The following RHEX variants were observed in gnomAD, a reference collection of about 807,000 sequenced individuals.
The protein encoded by RHEX is regulator of hemoglobinization and erythroid cell expansion protein.
In RHEX, 18 loss-of-function variants were observed where a neutral mutation model predicts 20.1. The ratio of observed to expected loss-of-function variants is 0.90; its 90% CI spans 0.62 to 1.33. The LOEUF (loss-of-function observed/expected upper bound fraction) is 1.33. Among genes scored for constraint, RHEX ranks in the 40% most tolerant of loss-of-function variants. The pLI is 0.00. For synonymous variants in RHEX, 87 were observed against 77.1 expected (o/e 1.13, Z -0.67); for missense variants, 192 against 214.3 (o/e 0.90, Z 0.65).
intron 1 of RHEX, among the ~76,000 whole-genome samples, chr1:206,076,107 C>T (rs529545720): frequency 6.6e-6 from 1 of 152,068 alleles, no homozygotes; most frequent in Admixed American, 6.5e-5. Flanking sequence ...AAGTGAATTT[C>T]CTTCCAGTCC....
chr1:206,096,907 T>G (rs1553287771), intron 1 of RHEX, among the ~76,000 whole-genome samples: 1 of 152,014 alleles, frequency 6.6e-6, no homozygotes, highest in African/African-American at 2.4e-5. Context: ...CCTAAGTAGC[T>G]GGGACCACAG....
In RHEX at chr1:206,065,649, T is replaced by G. The variant is rs937165301; in HGVS notation, c.-97+12384T>G. On this transcript the variant is annotated intron_variant, in intron 1 of 5. Coordinates refer to ENST00000331555, the MANE Select transcript of RHEX (RefSeq NM_001007544.4). The stretch of plus-strand genomic sequence containing the variant: ...GTCTAATGGGCATGATAGTTAGAGG[T>G]GGTGAGAGGATAGGGACAGGAAAGT... 2.6e-5 allele frequency among the ~76,000 whole-genome samples: 4 copies of G among 152,240 alleles called. No individual in the cohort carries two copies. In the South Asian group the frequency reaches 8.3e-4, roughly 32 times the overall value.
In RHEX at chr1:206,102,070, C is replaced by T; in HGVS notation, c.*118C>T. 1.2e-6 allele frequency: 1 copy of T among 825,342 alleles called. No individual in the cohort carries two copies. 51.1% of individuals were successfully genotyped at this position (825,342 alleles called of 1,614,324 possible). On this transcript the variant is annotated 3_prime_UTR_variant, in exon 6 of 6. Coordinates refer to ENST00000331555, the MANE Select transcript of RHEX (RefSeq NM_001007544.4). ...GGGCTCACAAGTCTATGGAGACAGGCCAAAAAGAATGTGGAGAAGAAAACT... is the reference window on the plus strand; with the variant it reads ...GGGCTCACAAGTCTATGGAGACAGGTCAAAAAGAATGTGGAGAAGAAAACT...
At chr1:206,072,525 G>A (rs929622847) in intron 1 of RHEX, among the ~76,000 whole-genome samples, 3 of 151,996 alleles carry the variant, frequency 2.0e-5, no homozygotes, top group Admixed American at 6.5e-5. Flanking sequence ...GCAGTGAGCC[G>A]AGATCGTGCC....
At chr1:206,065,649 T>C (rs937165301) in intron 1 of RHEX, among the ~76,000 whole-genome samples, 1 of 152,124 alleles carries the variant, frequency 6.6e-6, no homozygotes, top group African/African-American at 2.4e-5. Flanking sequence ...TAGTTAGAGG[T>C]GGTGAGAGGA....
chr1:206,096,588 G>T (rs571342857), intron 1 of RHEX, among the ~76,000 whole-genome samples: 4 of 152,208 alleles, frequency 2.6e-5, no homozygotes, highest in African/African-American at 9.6e-5. Flanking sequence ...TCTTAGGGGG[G>T]CTTATCCAAA....
intron 1 of RHEX, among the ~76,000 whole-genome samples, chr1:206,064,245 C>G (rs1380005913): frequency 4.7e-5 from 7 of 148,438 alleles, no homozygotes; most frequent in Admixed American, 2.6e-4. Flanking sequence ...GCAGCCACCC[C>G]GTCCGGGAGG....
chr1:206,074,084 C>T (rs1416359447), intron 1 of RHEX, among the ~76,000 whole-genome samples: 1 of 152,190 alleles, frequency 6.6e-6, no homozygotes, highest in African/African-American at 2.4e-5. Context: ...GGCACTTTCT[C>T]TCTCATGGGA....
In RHEX at chr1:206,055,017, A is replaced by G. The variant is rs1662159283; in HGVS notation, c.-97+1752A>G. On this transcript the variant is annotated intron_variant, in intron 1 of 5. Coordinates refer to ENST00000331555, the MANE Select transcript of RHEX (RefSeq NM_001007544.4). ...TCCATCTGCACTTTAAACAAATGCA[A>G]TTGTTATGCTTGTGCACATGGCAGG... Among the ~76,000 whole-genome samples the G allele has an allele frequency of 2.0e-5, 3 of 152,410 alleles. No homozygotes were observed. The South Asian group carries it at 6.2e-4, about 32-fold the overall frequency.
chr1:206,068,332 A>G, intron 1 of RHEX, among the ~76,000 whole-genome samples: 1 of 152,270 alleles, frequency 6.6e-6, no homozygotes, highest in South Asian at 2.1e-4. Context: ...GGCAAGGGAG[A>G]TAAGAGGAAA....
chr1:206,101,757 A>G lies in RHEX; in HGVS notation c.324A>G (p.Thr108=), dbSNP rs28391411. Residue 108 remains threonine, a synonymous_variant, in exon 6 of 6, where the codon ACA becomes ACG. Transcript: ENST00000331555. ...SCSSPPACQA[T]EDVDYTQVVF... ...GTCTCTGCTTTTCTCCTAAGGCCAC[A>G]GAGGATGTGGATTACACACAAGTCG... 178,970 of 1,610,856 alleles carry G rather than the reference A, an allele frequency of 0.11. 14,379 individuals carry two copies. Among genetic ancestry groups the G allele is most frequent in the African/African-American group, 0.41 (30,758 of 74,862 alleles).
chr1:206,068,190 G>A (rs782793440), intron 1 of RHEX, among the ~76,000 whole-genome samples: 10 of 152,176 alleles, frequency 6.6e-5, no homozygotes, highest in Non-Finnish European at 1.2e-4. Context: ...TAGTTTGGAC[G>A]ACGTATTATG....
intron 1 of RHEX, among the ~76,000 whole-genome samples, chr1:206,087,320 T>G (rs1257635473): frequency 3.3e-5 from 5 of 152,214 alleles, no homozygotes; most frequent in African/African-American, 1.2e-4. Context: ...TTAGCTAGAT[T>G]GCTCTTCTCC....
chr1:206,066,258 G>T lies in RHEX; in HGVS notation c.-97+12993G>T, dbSNP rs1662420884. Among the ~76,000 whole-genome samples, 4 of 152,264 alleles carry T rather than the reference G, an allele frequency of 2.6e-5. No individual in the cohort carries two copies. In the South Asian group the frequency reaches 6.2e-4, roughly 24 times the overall value. On this transcript the variant is annotated intron_variant, in intron 1 of 5. Coordinates refer to ENST00000331555, the MANE Select transcript of RHEX (RefSeq NM_001007544.4). ...ACTAGACATTCCCCTAATTTATAGG[G>T]GTGTCTACTTAAAATTATTGATATC...
At chr1:206,078,504 C>T (rs1414532243) in intron 1 of RHEX, among the ~76,000 whole-genome samples, 3 of 152,042 alleles carry the variant, frequency 2.0e-5, no homozygotes, top group Admixed American at 6.5e-5. Flanking sequence ...GAAGCTGCAG[C>T]GAGCCATGAT....
At chr1:206,071,570 T>G (rs1662529953) in intron 1 of RHEX, among the ~76,000 whole-genome samples, 1 of 145,940 alleles carries the variant, frequency 6.9e-6, no homozygotes, top group African/African-American at 2.5e-5. Context: ...AAAAAGGCAT[T>G]GAGCAGTGAC....
At chr1:206,065,370 G>A (rs1662403262) in intron 1 of RHEX, among the ~76,000 whole-genome samples, 1 of 152,252 alleles carries the variant, frequency 6.6e-6, no homozygotes, top group African/African-American at 2.4e-5. Context: ...AATGCCCAGT[G>A]GTTAAACCCT....
chr1:206,090,894 A>G (rs1473138569), intron 1 of RHEX, among the ~76,000 whole-genome samples: 3 of 152,216 alleles, frequency 2.0e-5, no homozygotes, highest in Non-Finnish European at 2.9e-5. Context: ...TATTATATCT[A>G]CAGGACTTTA....
chr1:206,073,402 G>A (rs1553284868), intron 1 of RHEX, among the ~76,000 whole-genome samples: 1 of 152,126 alleles, frequency 6.6e-6, no homozygotes, highest in African/African-American at 2.4e-5. Context: ...GTCTTTAAGT[G>A]TGCCAGACAC....
Sources: allele counts gnomAD v4.1 joint callset (sites outside exome capture counted in the v4.1 genomes callset), GRCh38; gene constraint gnomAD v4.1.1; transcripts MANE v1.5; gene names NCBI Gene and HGNC (gene_info 2026-07-23, HGNC 2026-07-21).